SOX5: variants seen among roughly 807,000 people sequenced by gnomAD.
The protein encoded by SOX5 is SRY-box transcription factor 5, also known as transcription factor SOX-5.
A neutral mutation model predicts 92.0 loss-of-function variants in SOX5; 9 were observed. That is an observed-to-expected ratio of 0.10 (90% CI 0.06 to 0.17). SOX5 has a LOEUF of 0.17. Among genes scored for constraint, SOX5 ranks in the 10% least tolerant of loss-of-function variants. The probability of loss-of-function intolerance (pLI) is 1.00; values close to 1 mark genes in which losing one functional copy is unlikely to be tolerated. For synonymous variants in SOX5, 344 were observed against 336.3 expected (o/e 1.02, Z -0.25); for missense variants, 642 against 944.5 (o/e 0.68, Z 4.20).
intron 9 of SOX5, among the ~76,000 whole-genome samples, chr12:23,581,563 A>G (rs1463995871): frequency 6.6e-6 from 1 of 152,084 alleles, no homozygotes; most frequent in Non-Finnish European, 1.5e-5. Flanking sequence ...AGATAAGAAC[A>G]GATGCATTTA....
intron 6 of SOX5, among the ~76,000 whole-genome samples, chr12:23,725,603 T>C (rs748664024): frequency 2.0e-5 from 3 of 152,158 alleles, no homozygotes; most frequent in Non-Finnish European, 4.4e-5. Context: ...GAACTGGGGT[T>C]TCTGACTCTG....
At chr12:23,766,102 A>G (rs535517438) in intron 3 of SOX5, among the ~76,000 whole-genome samples, 1 of 152,302 alleles carries the variant, frequency 6.6e-6, no homozygotes, top group Admixed American at 6.5e-5. Flanking sequence ...AAATGTGCAG[A>G]CAGACTTTTC....
intron 4 of SOX5, among the ~76,000 whole-genome samples, chr12:24,196,997 C>A (rs978148621): frequency 6.6e-6 from 1 of 152,190 alleles, no homozygotes; most frequent in East Asian, 1.9e-4. Flanking sequence ...AAACATACTT[C>A]TTCCTGCAGA....
At chr12:24,447,547 C>T (rs1017773083) in intron 1 of SOX5, among the ~76,000 whole-genome samples, 6 of 152,120 alleles carry the variant, frequency 3.9e-5, no homozygotes, top group African/African-American at 1.2e-4. Flanking sequence ...AAACTAAAGA[C>T]ATCTAAATAA....
At chr12:23,583,249 T>C (rs1243132940) in intron 9 of SOX5, among the ~76,000 whole-genome samples, 1 of 152,092 alleles carries the variant, frequency 6.6e-6, no homozygotes, top group Non-Finnish European at 1.5e-5. Context: ...TAACTCTCTA[T>C]CTAATCTTAC....
chr12:23,819,747 G>A (rs539041976), intron 3 of SOX5, among the ~76,000 whole-genome samples: 1 of 152,122 alleles, frequency 6.6e-6, no homozygotes, highest in Non-Finnish European at 1.5e-5. Context: ...TCCCTGCAAA[G>A]GACATGAACT....
intron 6 of SOX5, among the ~76,000 whole-genome samples, chr12:23,681,397 C>T (rs1371420893): frequency 6.6e-6 from 1 of 151,576 alleles, no homozygotes; most frequent in East Asian, 1.9e-4. Context: ...AAATGACAGA[C>T]CTAAGTTTAA....
chr12:23,967,232 G>T (rs929402172), intron 4 of SOX5, among the ~76,000 whole-genome samples: 2 of 152,054 alleles, frequency 1.3e-5, no homozygotes, highest in African/African-American at 4.8e-5. Flanking sequence ...CCATAGTAAT[G>T]AACTGAACAT....
At chr12:24,526,123 A>G (rs2138571708) in intron 1 of SOX5, among the ~76,000 whole-genome samples, 1 of 152,286 alleles carries the variant, frequency 6.6e-6, no homozygotes, top group East Asian at 1.9e-4. Context: ...CTAGGATTAC[A>G]GGTGTGAGAC....
chr12:24,055,229 G>A (rs1957979365), intron 4 of SOX5, among the ~76,000 whole-genome samples: 1 of 152,166 alleles, frequency 6.6e-6, no homozygotes, highest in African/African-American at 2.4e-5. Flanking sequence ...GAATGCTGCT[G>A]CTTCTACTTC....
chr12:23,665,433 A>G lies in SOX5; in HGVS notation c.931+11T>C, dbSNP rs1566829835. 4 of 1,613,180 alleles carry G rather than the reference A, an allele frequency of 2.5e-6. No homozygotes were observed. The highest frequency in any genetic ancestry group is 3.4e-6 in the Non-Finnish European group (4 of 1,179,468). On this transcript the variant is annotated intron_variant, in intron 7 of 14. Transcript: ENST00000451604. ...CCACCCACTCCCAGATGAAAAATCA[A>G]CAGTACTTACTACATCCAGCCTTAT...
At chr12:24,490,723 C>T (rs149961377) in intron 1 of SOX5, among the ~76,000 whole-genome samples, 1 of 152,162 alleles carries the variant, frequency 6.6e-6, no homozygotes, top group Non-Finnish European at 1.5e-5. Context: ...ACATGAAGAG[C>T]TCCAAAATCC....
At chr12:23,539,457 A>G (rs752793749) in intron 13 of SOX5, among the ~76,000 whole-genome samples, 4 of 152,172 alleles carry the variant, frequency 2.6e-5, no homozygotes, top group Non-Finnish European at 4.4e-5. Context: ...GGCAAGATCA[A>G]TCCTCTGCAG....
intron 2 of SOX5, among the ~76,000 whole-genome samples, chr12:23,857,326 T>G (rs1238222299): frequency 3.3e-5 from 5 of 152,140 alleles, no homozygotes; most frequent in Admixed American, 3.3e-4. Context: ...AGCAGTGGTA[T>G]GTAGAATTAA....
chr12:24,430,161 C>T (rs1352971918), intron 1 of SOX5, among the ~76,000 whole-genome samples: 4 of 152,106 alleles, frequency 2.6e-5, no homozygotes, highest in East Asian at 1.9e-4. Context: ...AGAATAGACA[C>T]GATGCTTCCT....
At chr12:24,223,008 G>C (rs1418619248) in intron 3 of SOX5, among the ~76,000 whole-genome samples, 1 of 152,226 alleles carries the variant, frequency 6.6e-6, no homozygotes, top group Non-Finnish European at 1.5e-5. Context: ...CAAAACTGCA[G>C]AGTCAACTGG....
intron 3 of SOX5, among the ~76,000 whole-genome samples, chr12:24,220,745 A>T (rs1960209319): frequency 6.6e-6 from 1 of 152,104 alleles, no homozygotes; most frequent in South Asian, 2.1e-4. Context: ...GCTCTTAAGA[A>T]TAGAAAAGCA....
chr12:24,122,346 C>T (rs1272791241), intron 4 of SOX5, among the ~76,000 whole-genome samples: 2 of 152,284 alleles, frequency 1.3e-5, no homozygotes, highest in East Asian at 1.9e-4. Flanking sequence ...GAGCAAAGAT[C>T]ATGACAAAAG....
intron 3 of SOX5, among the ~76,000 whole-genome samples, chr12:23,760,902 C>T (rs1831820846): frequency 6.6e-6 from 1 of 152,136 alleles, no homozygotes; most frequent in Non-Finnish European, 1.5e-5. Context: ...CTCCCTTCAG[C>T]TGCTGTGGCA....
Sources: allele counts gnomAD v4.1 joint callset (sites outside exome capture counted in the v4.1 genomes callset), GRCh38; gene constraint gnomAD v4.1.1; transcripts MANE v1.5; gene names NCBI Gene and HGNC (gene_info 2026-07-23, HGNC 2026-07-21).